The following LPP variants were observed in gnomAD, a reference collection of about 807,000 sequenced individuals.
LPP encodes lipoma-preferred partner.
A neutral mutation model predicts 60.4 loss-of-function variants in LPP; 38 were observed. The observed-to-expected ratio is 0.63, with a 90% CI of 0.49 to 0.83. The LOEUF (loss-of-function observed/expected upper bound fraction) is 0.83. LPP is among the 40% of genes least tolerant of loss of function. The pLI, the probability that LPP is intolerant of heterozygous loss-of-function variation, is 0.00. For synonymous variants in LPP, 328 were observed against 290.8 expected, an observed-to-expected ratio of 1.13 and a Z score of -1.30; for missense variants, 902 against 783.6, an observed-to-expected ratio of 1.15 and a Z score of -1.80.
intron 4 of LPP, among the ~76,000 whole-genome samples, chr3:188,425,511 C>T (rs1249226807): frequency 6.6e-6 from 1 of 152,072 alleles, no homozygotes; most frequent in African/African-American, 2.4e-5. Context: ...GGAATAATTT[C>T]AGAAGGAATG....
At chr3:188,454,906 C>T (rs1240881573) in intron 4 of LPP, among the ~76,000 whole-genome samples, 2 of 152,158 alleles carry the variant, frequency 1.3e-5, no homozygotes, top group Non-Finnish European at 1.5e-5. Context: ...AAAGCCATGA[C>T]TAGAATAAAC....
At chr3:188,603,047 T>TAATAAC (rs1841731905) in intron 6 of LPP, among the ~76,000 whole-genome samples, 1 of 149,666 alleles carries the variant, frequency 6.7e-6, no homozygotes, top group Non-Finnish European at 1.5e-5. Context: ...ATAATAATAA[T>TAATAAC]AATAATAATA....
intron 2 of LPP, among the ~76,000 whole-genome samples, chr3:188,261,647 C>T (rs988687051): frequency 1.3e-5 from 2 of 151,982 alleles, no homozygotes; most frequent in Non-Finnish European, 2.9e-5. Flanking sequence ...GTGGCTCATG[C>T]CTGTAATTCC....
chr3:188,601,479 A>G (rs778154307), intron 6 of LPP, among the ~76,000 whole-genome samples: 10 of 152,148 alleles, frequency 6.6e-5, no homozygotes, highest in Non-Finnish European at 1.3e-4. Context: ...TTCGTCCCTA[A>G]ATCTAAATTA....
At chr3:188,872,558 C>T in intron 10 of LPP, 85 bp from the exon 11 acceptor site, 1 of 1,495,736 alleles carries the variant, frequency 6.7e-7, no homozygotes, top group Non-Finnish European at 9.3e-7. Context: ...TACCGACTCT[C>T]AGTTTCCACC....
intron 6 of LPP, among the ~76,000 whole-genome samples, chr3:188,570,711 C>T (rs1487859619): frequency 6.6e-6 from 1 of 151,752 alleles, no homozygotes; most frequent in Non-Finnish European, 1.5e-5. Flanking sequence ...AATTTGCCTG[C>T]CTCATTCTCC....
At chr3:188,703,579 C>G (rs928082575) in intron 7 of LPP, among the ~76,000 whole-genome samples, 6 of 152,088 alleles carry the variant, frequency 3.9e-5, no homozygotes, top group African/African-American at 1.4e-4. Context: ...AGGCTGTTCT[C>G]TAGCCAAATA....
intron 4 of LPP, among the ~76,000 whole-genome samples, chr3:188,437,892 C>T (rs972040699): frequency 6.6e-6 from 1 of 152,098 alleles, no homozygotes; most frequent in African/African-American, 2.4e-5. Context: ...ACTATGTATC[C>T]CTTTAATTAA....
At chr3:188,169,196 T>C (rs921887172) in intron 1 of LPP, among the ~76,000 whole-genome samples, 2 of 152,260 alleles carry the variant, frequency 1.3e-5, no homozygotes, top group Non-Finnish European at 2.9e-5. Flanking sequence ...CAAAAGGTAT[T>C]GAGCACATTC....
intron 4 of LPP, among the ~76,000 whole-genome samples, chr3:188,451,084 C>A (rs1796494132): frequency 6.6e-6 from 1 of 151,944 alleles, no homozygotes; most frequent in South Asian, 2.1e-4. Flanking sequence ...ATAAAGGCTT[C>A]ACTAGGGTTA....
intron 8 of LPP, among the ~76,000 whole-genome samples, chr3:188,733,562 G>A (rs931272828): frequency 1.3e-5 from 2 of 151,960 alleles, no homozygotes; most frequent in Non-Finnish European, 2.9e-5. Flanking sequence ...TTCTTTTCAT[G>A]AGGACTTTAT....
intron 1 of LPP, among the ~76,000 whole-genome samples, chr3:188,167,423 A>G (rs925936112): frequency 1.6e-4 from 24 of 152,262 alleles, no homozygotes; most frequent in African/African-American, 5.8e-4. Context: ...GCTTGAACCC[A>G]GGAGGCAGAG....
intron 4 of LPP, among the ~76,000 whole-genome samples, chr3:188,435,476 A>G (rs1792069876): frequency 6.6e-6 from 1 of 152,210 alleles, no homozygotes; most frequent in Admixed American, 6.5e-5. Flanking sequence ...ACACGTTTAT[A>G]TAAACACAAG....
intron 4 of LPP, among the ~76,000 whole-genome samples, chr3:188,483,306 A>G (rs1805355517): frequency 1.3e-5 from 2 of 152,088 alleles, no homozygotes; most frequent in East Asian, 3.9e-4. Context: ...CAGTCATTCT[A>G]ATGTGCTCAC....
chr3:188,739,381 G>C (rs545528504), intron 8 of LPP, among the ~76,000 whole-genome samples: 2 of 152,184 alleles, frequency 1.3e-5, no homozygotes, highest in South Asian at 4.1e-4. Flanking sequence ...AATAAGGTGT[G>C]ATTGTCGTTG....
chr3:188,549,337 T>C (rs1202380946), intron 6 of LPP, among the ~76,000 whole-genome samples: 3 of 152,172 alleles, frequency 2.0e-5, no homozygotes, highest in Non-Finnish European at 4.4e-5. Context: ...TAAAAATTTG[T>C]CTAAGAAACC....
intron 4 of LPP, among the ~76,000 whole-genome samples, chr3:188,456,039 T>C (rs1384453407): frequency 2.0e-5 from 3 of 152,162 alleles, no homozygotes; most frequent in African/African-American, 7.2e-5. Flanking sequence ...ACTATTGGTG[T>C]GCCCCACCAC....
intron 6 of LPP, among the ~76,000 whole-genome samples, chr3:188,593,153 G>GGTGTGTGT (rs10678737): frequency 0.048 from 7,183 of 148,436 alleles, 191 homozygotes; most frequent in Middle Eastern, 0.077. Context: ...TCTGATGCCT[G>GGTGTGTGT]GTGTGTGTGT....
At chr3:188,205,755 G>C (rs1391489486) in intron 1 of LPP, among the ~76,000 whole-genome samples, 3 of 152,174 alleles carry the variant, frequency 2.0e-5, no homozygotes, top group Non-Finnish European at 4.4e-5. Flanking sequence ...ACTATGAAGA[G>C]CTCAGAAGGC....
Sources: allele counts gnomAD v4.1 joint callset (sites outside exome capture counted in the v4.1 genomes callset), GRCh38; gene constraint gnomAD v4.1.1; transcripts MANE v1.5; gene names NCBI Gene and HGNC (gene_info 2026-07-23, HGNC 2026-07-21).